Variants in GOLGA2 observed in about 807,000 individuals in gnomAD.
GOLGA2 encodes the protein golgin subfamily A member 2.
In GOLGA2, 49 loss-of-function variants were observed where a neutral mutation model predicts 148.8. The observed-to-expected ratio is 0.33, with a 90% CI of 0.26 to 0.42. GOLGA2 has a LOEUF of 0.42. Ranked by LOEUF, GOLGA2 falls within the 10% of genes least tolerant of loss-of-function variation. The pLI is 1.00. For synonymous variants in GOLGA2, 501 were observed against 511.8 expected (o/e 0.98, Z 0.28); for missense variants, 1,178 against 1,304.6 (o/e 0.90, Z 1.49).
Position 128,272,827 on chromosome 9 carries a change from G to C in GOLGA2, c.246C>G (p.Asn82Lys). The change falls in exon 3 of 27, where the codon AAC becomes AAG. Residue 82 changes from asparagine to lysine, a missense_variant. Transcript: ENST00000611957. ...DILKVLVSDL[N>K]RSNGVALPPL... The stretch of plus-strand genomic sequence containing the variant: ...GGGGGAGCGCTACCCCATTGGAACG[G>C]TTAAGGTCGGACACCAGCACCTTCA... The C allele has an allele frequency of 7.8e-7, 1 of 1,282,866 alleles. No homozygotes were observed. Among genetic ancestry groups the C allele is most frequent in the South Asian group, 1.2e-5 (1 of 80,670 alleles). The allele number at this position is 1,282,866 out of a possible 1,614,324, so 79.5% of individuals were successfully genotyped here.
Position 128,258,742 on chromosome 9 carries a change from G to T in GOLGA2, c.2174-172C>A. 1.6e-6 allele frequency: 1 copy of T among 623,636 alleles called. No homozygotes were observed. Among genetic ancestry groups the T allele is most frequent in the East Asian group, 2.7e-5 (1 of 36,522 alleles). The allele number at this position is 623,636 out of a possible 1,614,324, so 38.6% of individuals were successfully genotyped here. ...TTAAGAGCCAAGGGCTCGCTATGCTGCCCAGGTGCAGTCCCACTACCGATC... is the reference window on the plus strand; with the variant it reads ...TTAAGAGCCAAGGGCTCGCTATGCTTCCCAGGTGCAGTCCCACTACCGATC... On this transcript the variant is annotated intron_variant, in intron 21 of 26. Transcript: ENST00000611957. This position sits in a 1 kb window ranked among gnomAD's most constrained non-coding sequence, Gnocchi z 6.6.
chr9:128,272,873 A>T lies in GOLGA2; in HGVS notation c.208-8T>A. The T allele has an allele frequency of 8.0e-7, 1 of 1,246,066 alleles. No homozygotes were observed. The highest frequency in any genetic ancestry group is 1.1e-6 in the Non-Finnish European group (1 of 952,000). The allele number at this position is 1,246,066 out of a possible 1,614,324, so 77.2% of individuals were successfully genotyped here. On this transcript the variant is annotated splice_region_variant and splice_polypyrimidine_tract_variant and intron_variant, in intron 2 of 26. Coordinates refer to ENST00000611957, the MANE Select transcript of GOLGA2 (RefSeq NM_001366244.2). ...CTTCAGAATGTCCTGAATCTACAGG[A>T]GGCGAAAAGGGAAAAACAAGGGCAG...
At chr9:128,270,942 G>A (rs1025026373) in intron 3 of GOLGA2, among the ~76,000 whole-genome samples, 2 of 152,082 alleles carry the variant, frequency 1.3e-5, no homozygotes, top group African/African-American at 4.8e-5. Context: ...CCAGCTACTT[G>A]GGAGGCTGAG....
chr9:128,263,282 C>A (rs1025614842), intron 12 of GOLGA2, among the ~76,000 whole-genome samples, 190 bp from the exon 13 acceptor site: 2 of 152,172 alleles, frequency 1.3e-5, no homozygotes, highest in Non-Finnish European at 2.9e-5. Flanking sequence ...GAGACAGAGT[C>A]TCCCTCTGTC....
chr9:128,275,624 G>C (rs1305664665), intron 1 of GOLGA2: 10 of 760,820 alleles, frequency 1.3e-5, no homozygotes, highest in Non-Finnish European at 6.0e-6. Context: ...AGGGAGGTCG[G>C]ACTTCGGGGG....
At chr9:128,275,140 C>T (rs1419454288) in intron 1 of GOLGA2, among the ~76,000 whole-genome samples, 2 of 152,200 alleles carry the variant, frequency 1.3e-5, no homozygotes, top group Admixed American at 1.3e-4. Context: ...GAAGTGTAGG[C>T]TTTTCACACT....
chr9:128,273,851 T>C lies in GOLGA2; in HGVS notation c.206A>G (p.Asp69Gly), dbSNP rs1831120920. ...TTSGGCHSPE[D>G]IQDILKVLVS... Reference sequence around the variant, plus strand: ...GGAGCCTGGCCATCCAAGACTCACATCCTCAGGTGAGTGGCAACCACCAGA... The same window carrying C: ...GGAGCCTGGCCATCCAAGACTCACACCCTCAGGTGAGTGGCAACCACCAGA... Residue 69 changes from aspartate (D) to glycine (G), a missense_variant and splice_region_variant, in exon 2 of 27, where the codon GAT (aspartate) becomes GGT (glycine). Asp to Gly is a moderately conservative substitution (Grantham distance 94). Around this residue, in one of 5 missense-constraint regions of GOLGA2, gnomAD observed 158 missense variants for 156.6 expected, o/e 1.01. Transcript: ENST00000611957. 1 of 1,614,044 alleles carries C rather than the reference T, an allele frequency of 6.2e-7. No individual in the cohort carries two copies. Among genetic ancestry groups the C allele is most frequent in the Non-Finnish European group, 8.5e-7 (1 of 1,179,926 alleles).
chr9:128,272,945 A>G, intron 2 of GOLGA2, 80 bp from the exon 3 acceptor site: 1 of 451,092 alleles, frequency 2.2e-6, no homozygotes, highest in Non-Finnish European at 4.1e-6. Context: ...AAAGTCAGGG[A>G]AGGAGGAAGA....
rs60876780 is a variant in GOLGA2 at position 128,271,329 on chromosome 9, G to C, written c.288+1456C>G. On this transcript the variant is annotated intron_variant, in intron 3 of 26. Transcript: ENST00000611957. This position sits in a 1 kb window ranked among gnomAD's most constrained non-coding sequence, Gnocchi z 4.4. ...CTGGAGGGTAACAGGTATGAGACTG[G>C]ACAACTCTCTAACAGCAGCCAAGGC... 0.06 allele frequency among the ~76,000 whole-genome samples: 9,077 copies of C among 152,196 alleles called. 891 individuals carry two copies. The highest frequency in any genetic ancestry group is 0.21 in the African/African-American group (8,564 of 41,472).
intron 1 of GOLGA2, 87 bp from the exon 2 acceptor site, chr9:128,274,059 A>G: frequency 7.8e-7 from 1 of 1,278,830 alleles, no homozygotes; most frequent in Non-Finnish European, 1.1e-6. Context: ...AAATACTCTT[A>G]TATACCATCT....
At chr9:128,263,120 A>T (rs1830376816) in intron 12 of GOLGA2, 28 bp from the exon 13 acceptor site, 1 of 1,519,600 alleles carries the variant, frequency 6.6e-7, no homozygotes, top group Non-Finnish European at 9.1e-7. Flanking sequence ...TTAAGTCAGG[A>T]TATAGCAGGC....
rs1252304315 is a variant in GOLGA2 at position 128,257,250 on chromosome 9, C to T, written c.2907G>A (p.Val969=). Residue 969 remains valine (V), a synonymous_variant, in exon 27 of 27, where the codon GTG becomes GTA. Transcript: ENST00000611957. The surrounding 1 kb of genome is among the most constrained non-coding windows in gnomAD (Gnocchi z 8.0). ...DLCEVSLAGS[V]EPAQGEAREG... ...CCCTGGCCTCTCCTTGGGCAGGCTC[C>T]ACACTGCCGGCGAGGCTCACCTCGC... 1 of 1,613,344 alleles carries T rather than the reference C, an allele frequency of 6.2e-7. No homozygotes were observed. The highest frequency in any genetic ancestry group is 1.3e-5 in the African/African-American group (1 of 74,906).
At chr9:128,275,715 G>A (rs1417749262) in intron 1 of GOLGA2, among the ~76,000 whole-genome samples, 178 bp downstream of exon 1, 1 of 152,118 alleles carries the variant, frequency 6.6e-6, no homozygotes, top group East Asian at 1.9e-4. Context: ...TGGCGAGGGC[G>A]GGGGCTGGGC....
rs781676920 is a variant in GOLGA2 at position 128,259,329 on chromosome 9, G to A, written c.1935C>T (p.His645=). The A allele has an allele frequency of 1.9e-6, 3 of 1,609,540 alleles. No individual in the cohort carries two copies. The highest frequency in any genetic ancestry group is 2.5e-6 in the Non-Finnish European group (3 of 1,178,650). The change falls in exon 20 of 27, where the codon CAC becomes CAT. Residue 645 remains histidine, a synonymous_variant. Coordinates refer to ENST00000611957, the MANE Select transcript of GOLGA2 (RefSeq NM_001366244.2). ...LQQQRDQYLG[H]LQQYVAAYQQ... is the part of the protein sequence containing the mutation. ...GATAGGCGGCCACATACTGCTGCAG[G>A]TGTCCCAGGTACTGGTCTCGCTGCT...
intron 1 of GOLGA2, chr9:128,275,456 G>A: frequency 2.3e-6 from 3 of 1,299,306 alleles, no homozygotes; most frequent in Non-Finnish European, 2.9e-6. Flanking sequence ...GGAGACCCGA[G>A]ACCAAAGAAC....
rs947466543 is a variant in GOLGA2, at chr9:128,273,419, C to T, written c.207+431G>A. ...CTTCCCCTAATCCTAGCACCTGGGA[C>T]TCTCCTCACCACACCCTGGGGCCCT... On this transcript the variant is annotated intron_variant, in intron 2 of 26. Coordinates refer to ENST00000611957, the MANE Select transcript of GOLGA2 (RefSeq NM_001366244.2). Among the ~76,000 whole-genome samples the T allele has an allele frequency of 1.3e-5, 2 of 152,160 alleles. 1 individual carries two copies. Among genetic ancestry groups the T allele is most frequent in the African/African-American group, 4.8e-5 (2 of 41,426 alleles).
intron 6 of GOLGA2, 44 bp from the exon 7 acceptor site, chr9:128,267,561 G>A (rs1464834832): frequency 7.0e-7 from 1 of 1,433,606 alleles, no homozygotes. Flanking sequence ...TGTCCCCTCA[G>A]TGTCTAAGCC....
Position 128,266,043 on chromosome 9 carries a change from C to G in GOLGA2, c.682-23G>C, listed in dbSNP as rs376836582. On this transcript the variant is annotated intron_variant, in intron 9 of 26. Coordinates refer to ENST00000611957, the MANE Select transcript of GOLGA2 (RefSeq NM_001366244.2). The surrounding 1 kb of genome is among the most constrained non-coding windows in gnomAD (Gnocchi z 4.2). ...TTCCTATAGGAAGAGGAAGACAGAGCTCTTACGAGGGGGAGGCAGAGACGG... is the reference window on the plus strand; with the variant it reads ...TTCCTATAGGAAGAGGAAGACAGAGGTCTTACGAGGGGGAGGCAGAGACGG... The G allele has an allele frequency of 3.1e-6, 5 of 1,603,804 alleles. No individual in the cohort carries two copies. The African/African-American group carries it at 6.7e-5, about 21-fold the overall frequency.
At position 128,273,894 on chromosome 9, in the gene GOLGA2, T is replaced by G; in HGVS notation, c.163A>C (p.Asn55His). Residue 55 changes from asparagine to histidine, a missense_variant, in exon 2 of 27, where the codon AAC becomes CAC. Transcript: ENST00000611957. ...CCACCAGAAGTGGTTGTCTCAGGGTTACTGCCATTTTTTATTTTCTTCTTC... is the reference window on the plus strand; with the variant it reads ...CCACCAGAAGTGGTTGTCTCAGGGTGACTGCCATTTTTTATTTTCTTCTTC... Reference protein sequence around the residue: ...KKKKKIKNGSNPETTTSGGCH... With the variant: ...KKKKKIKNGSHPETTTSGGCH... The G allele has an allele frequency of 6.2e-7, 1 of 1,614,082 alleles. No homozygotes were observed. Among genetic ancestry groups the G allele is most frequent in the Non-Finnish European group, 8.5e-7 (1 of 1,179,922 alleles).
Sources: gnomAD v4.1 joint callset for allele counts (sites outside exome capture counted in the v4.1 genomes callset) on GRCh38, gnomAD v4.1.1 for gene constraint, gnomAD v4.1.1 regional missense constraint, Gnocchi (gnomAD v3.1) non-coding constraint, MANE v1.5 for transcripts, NCBI Gene and HGNC (gene_info 2026-07-23, HGNC 2026-07-21) for gene names.